PTPRD: variants seen among roughly 807,000 people sequenced by gnomAD.
The protein encoded by PTPRD is receptor-type tyrosine-protein phosphatase delta.
A neutral mutation model predicts 214.5 loss-of-function variants in PTPRD; 34 were observed. The observed-to-expected ratio is 0.16, with a 90% confidence interval of 0.12 to 0.21. The LOEUF (loss-of-function observed/expected upper bound fraction) is 0.21. PTPRD is among the 10% of genes least tolerant of loss of function. The pLI is 1.00. For missense variants in PTPRD, 2,545 were observed against 2,398.7 expected, an observed-to-expected ratio of 1.06 and a Z score of -1.27; for synonymous variants, 1,128 against 845.7, an observed-to-expected ratio of 1.33 and a Z score of -5.79.
chr9:8,923,628 A>T (rs1364230069), intron 11 of PTPRD, among the ~76,000 whole-genome samples: 1 of 152,204 alleles, frequency 6.6e-6, no homozygotes, highest in Non-Finnish European at 1.5e-5. Context: ...ATGCAAAAAA[A>T]AGTTACTCAG....
At chr9:10,141,620 G>T (rs534763606) in intron 3 of PTPRD, among the ~76,000 whole-genome samples, 9 of 152,046 alleles carry the variant, frequency 5.9e-5, no homozygotes, top group African/African-American at 2.2e-4. Flanking sequence ...ACAAATGGAA[G>T]AATATTCCAT....
At chr9:8,581,562 C>A (rs1021013428) in intron 14 of PTPRD, among the ~76,000 whole-genome samples, 1 of 151,818 alleles carries the variant, frequency 6.6e-6, no homozygotes, top group African/African-American at 2.4e-5. Flanking sequence ...TTCTGGCTAA[C>A]ACAGTGAAAC....
rs3075573 is a variant in PTPRD at position 10,181,942 on chromosome 9, TAAAAA to T, written c.-544-148157_-544-148153del. On this transcript the variant is annotated intron_variant, in intron 3 of 45. Coordinates refer to ENST00000381196, the MANE Select transcript of PTPRD (RefSeq NM_002839.4). ...AAATATGACTATGTATCATAAATAC[TAAAAA>T]AAAAAAAAAAAAAAAAAAAAAGGAA... 1.3e-4 allele frequency among the ~76,000 whole-genome samples: 5 copies of T among 38,512 alleles called. No individual in the cohort carries two copies. In the South Asian group the frequency reaches 2.6e-3, roughly 20 times the overall value. 25.3% of individuals were successfully genotyped at this position (38,512 alleles called of 152,430 possible).
intron 3 of PTPRD, among the ~76,000 whole-genome samples, chr9:10,221,687 T>G (rs921083717): frequency 6.6e-5 from 10 of 151,990 alleles, no homozygotes; most frequent in African/African-American, 2.4e-4. Flanking sequence ...TAAGAAGCAT[T>G]AAGTACATCC....
intron 10 of PTPRD, among the ~76,000 whole-genome samples, chr9:9,139,457 C>T (rs933487079): frequency 6.6e-6 from 1 of 152,052 alleles, no homozygotes; most frequent in Non-Finnish European, 1.5e-5. Context: ...AAGTTAGGCA[C>T]AGTATGAGAT....
chr9:9,983,230 C>G (rs1026105906), intron 4 of PTPRD, among the ~76,000 whole-genome samples: 2 of 152,172 alleles, frequency 1.3e-5, no homozygotes, highest in South Asian at 4.1e-4. Context: ...TAGCCCCATT[C>G]TGGGCAGAGT....
intron 7 of PTPRD, among the ~76,000 whole-genome samples, chr9:9,595,502 G>GCA (rs2093258564): frequency 2.7e-5 from 4 of 149,958 alleles, no homozygotes; most frequent in Non-Finnish European, 5.9e-5. Flanking sequence ...ATGTACACAT[G>GCA]TACACATATG....
At chr9:9,067,848 TGA>T (rs2099737366) in intron 10 of PTPRD, among the ~76,000 whole-genome samples, 1 of 152,178 alleles carries the variant, frequency 6.6e-6, no homozygotes, top group Non-Finnish European at 1.5e-5. Context: ...TGTTTATATG[TGA>T]GTTTATTTAG....
At chr9:9,793,707 A>G (rs1386187868) in intron 5 of PTPRD, among the ~76,000 whole-genome samples, 1 of 151,218 alleles carries the variant, frequency 6.6e-6, no homozygotes, top group Non-Finnish European at 1.5e-5. Flanking sequence ...ATTATTTTAG[A>G]AAAAAAAATG....
chr9:9,708,396 T>A (rs921290529), intron 7 of PTPRD, among the ~76,000 whole-genome samples: 1 of 152,124 alleles, frequency 6.6e-6, no homozygotes, highest in Admixed American at 6.5e-5. Flanking sequence ...ATTTCATTTA[T>A]TCTTACTAAA....
At chr9:8,903,175 A>G (rs1424024060) in intron 11 of PTPRD, among the ~76,000 whole-genome samples, 3 of 151,700 alleles carry the variant, frequency 2.0e-5, no homozygotes, top group Non-Finnish European at 4.4e-5. Context: ...ATTTTATTTT[A>G]GATTCACAGG....
At chr9:9,677,170 G>A (rs2096950249) in intron 7 of PTPRD, among the ~76,000 whole-genome samples, 1 of 152,052 alleles carries the variant, frequency 6.6e-6, no homozygotes, top group African/African-American at 2.4e-5. Flanking sequence ...TGTTGCCATT[G>A]CTTTTTGGTG....
chr9:10,296,737 C>T (rs1361514727), intron 3 of PTPRD, among the ~76,000 whole-genome samples: 6 of 152,164 alleles, frequency 3.9e-5, no homozygotes, highest in African/African-American at 1.4e-4. Flanking sequence ...ATAAGTAGCT[C>T]AGCCTCTGCA....
chr9:8,569,275 T>C (rs2090398534), intron 14 of PTPRD, among the ~76,000 whole-genome samples: 3 of 152,216 alleles, frequency 2.0e-5, no homozygotes, highest in South Asian at 4.1e-4. Context: ...GCAAGACCAA[T>C]ATTTTGCAGA....
At chr9:10,124,963 C>A (rs2098804704) in intron 3 of PTPRD, among the ~76,000 whole-genome samples, 1 of 152,032 alleles carries the variant, frequency 6.6e-6, no homozygotes, top group African/African-American at 2.4e-5. Context: ...GGTAGAGGAC[C>A]CTTGCAAATG....
intron 14 of PTPRD, among the ~76,000 whole-genome samples, chr9:8,536,032 T>C (rs550226632): frequency 1.3e-5 from 2 of 152,016 alleles, no homozygotes; most frequent in South Asian, 2.1e-4. Context: ...TTAGAGTTCC[T>C]TGAGGTAAAT....
At chr9:9,916,080 TAA>T (rs549658470) in intron 5 of PTPRD, among the ~76,000 whole-genome samples, 1 of 136,198 alleles carries the variant, frequency 7.3e-6, no homozygotes. Context: ...GTACTAAAAT[TAA>T]AAAAAAAAAA....
chr9:9,369,263 A>T lies in PTPRD; in HGVS notation c.-203+28186T>A, dbSNP rs1189047508. Among the ~76,000 whole-genome samples the T allele has an allele frequency of 1.3e-5, 2 of 152,110 alleles. 1 individual carries two copies. Among genetic ancestry groups the T allele is most frequent in the Admixed American group, 1.3e-4 (2 of 15,244 alleles). On this transcript the variant is annotated intron_variant, in intron 9 of 45. Coordinates refer to ENST00000381196, the MANE Select transcript of PTPRD (RefSeq NM_002839.4). The stretch of plus-strand genomic sequence containing the variant: ...GTTCCTATTTCTCCACATCCTCTCC[A>T]GCACCTGTTGTTTCCTGACTTTTTA...
At chr9:9,828,524 A>G (rs1016144886) in intron 5 of PTPRD, among the ~76,000 whole-genome samples, 44 of 152,196 alleles carry the variant, frequency 2.9e-4, no homozygotes, top group African/African-American at 9.9e-4. Flanking sequence ...GAGGGGAGGG[A>G]TAGCATTAGG....
Sources: gnomAD v4.1 joint callset for allele counts (sites outside exome capture counted in the v4.1 genomes callset) on GRCh38, gnomAD v4.1.1 for gene constraint, MANE v1.5 for transcripts, NCBI Gene and HGNC (gene_info 2026-07-23, HGNC 2026-07-21) for gene names.